ADCY6: variants seen among roughly 807,000 people sequenced by gnomAD.
ADCY6 encodes adenylate cyclase 6, also known as adenylate cyclase type 6.
ADCY6 carries 59 observed loss-of-function variants against 111.6 expected under a neutral mutation model. The ratio of observed to expected loss-of-function variants is 0.53; its 90% CI spans 0.43 to 0.66. The LOEUF (loss-of-function observed/expected upper bound fraction) is 0.66. ADCY6 is among the 30% of genes least tolerant of loss of function. The probability of loss-of-function intolerance (pLI) is 0.00; values close to 1 mark genes in which losing one functional copy is unlikely to be tolerated. For missense variants in ADCY6, 1,242 were observed against 1,595.6 expected, an observed-to-expected ratio of 0.78 and a Z score of 3.78; for synonymous variants, 576 against 642.9, an observed-to-expected ratio of 0.90 and a Z score of 1.57.
At chr12:48,788,573 C>T (rs2137406118) in intron 1 of ADCY6, among the ~76,000 whole-genome samples, 1 of 152,232 alleles carries the variant, frequency 6.6e-6, no homozygotes, top group Admixed American at 6.5e-5. Flanking sequence ...GGAGACACCC[C>T]ACAGCCCCGC....
Position 48,775,988 on chromosome 12 carries a change from T to C in ADCY6, c.1781A>G (p.Lys594Arg), listed in dbSNP as rs1941688695. Residue 594 changes from lysine to arginine, a missense_variant, in exon 9 of 22, where the codon AAG becomes AGG. This residue lies in a region of ADCY6 where 375 missense variants were observed against 432.5 expected (regional missense o/e 0.87). Coordinates refer to ENST00000357869, the MANE Select transcript of ADCY6 (RefSeq NM_015270.5). ...CATCTGGCGGAAGGCCTTGGAGTCC[T>C]TGGTCCGGGAGAAGGCACGATCAGG... ...WVPDRAFSRT[K>R]DSKAFRQMGI... 2 of 1,609,164 alleles carry C rather than the reference T, an allele frequency of 1.2e-6. No individual in the cohort carries two copies. The highest frequency in any genetic ancestry group is 1.7e-5 in the Admixed American group (1 of 59,382).
intron 20 of ADCY6, 109 bp from the exon 21 acceptor site, chr12:48,769,170 G>A (rs1037286791): frequency 3.3e-6 from 4 of 1,207,958 alleles, no homozygotes; most frequent in Non-Finnish European, 4.5e-6. Context: ...AATGGAAAAA[G>A]GACAAGTCTC....
chr12:48,773,722 C>A (rs1365468419), intron 15 of ADCY6, 75 bp from the exon 16 acceptor site: 2 of 1,567,080 alleles, frequency 1.3e-6, no homozygotes, highest in East Asian at 2.2e-5. Flanking sequence ...GCCCTGCACT[C>A]TCCTGCCTGA....
In ADCY6 at chr12:48,783,290, C is replaced by G. The variant is rs561785503; in HGVS notation, c.145G>C (p.Asp49His). ...CTPRYMSCLRDAEPPSPTPAG... is the reference protein window; with the variant it reads ...CTPRYMSCLRHAEPPSPTPAG... Reference sequence around the variant, plus strand: ...GGGGTGGGGCTGGGTGGCTCTGCATCCCGGAGGCAGCTCATATAGCGGGGC... The same window carrying G: ...GGGGTGGGGCTGGGTGGCTCTGCATGCCGGAGGCAGCTCATATAGCGGGGC... The change falls in exon 2 of 22, where the codon GAT becomes CAT. Residue 49 changes from aspartate to histidine, a missense_variant. Physicochemically the swap from Asp to His is moderately conservative, Grantham distance 81. This residue lies in a region of ADCY6 where 362 missense variants were observed against 377.2 expected (regional missense o/e 0.96). Coordinates refer to ENST00000357869, the MANE Select transcript of ADCY6 (RefSeq NM_015270.5). The G allele has an allele frequency of 7.4e-6, 12 of 1,612,730 alleles. No homozygotes were observed. The highest frequency in any genetic ancestry group is 9.3e-6 in the Non-Finnish European group (11 of 1,179,610).
At position 48,783,172 on chromosome 12, in the gene ADCY6, G is replaced by A. The variant is rs988684162; in HGVS notation, c.263C>T (p.Ala88Val). The change falls in exon 2 of 22, where the codon GCC becomes GTC. Residue 88 changes from alanine to valine, a missense_variant. By Grantham distance (64) the Ala-to-Val change is moderately conservative. Coordinates refer to ENST00000357869, the MANE Select transcript of ADCY6 (RefSeq NM_015270.5). Reference protein sequence around the residue: ...KGKELGLRAVALGFEDTEVTT... With the variant: ...KGKELGLRAVVLGFEDTEVTT... ...CACCTCGGTATCCTCGAAGCCCAGG[G>A]CCACTGCCCGCAGCCCCAGCTCCTT... is the stretch of plus-strand genomic sequence containing the variant. 26 of 1,606,652 alleles carry A rather than the reference G, an allele frequency of 1.6e-5. No homozygotes were observed. Among genetic ancestry groups the A allele is most frequent in the Non-Finnish European group, 2.1e-5 (25 of 1,179,618 alleles).
Position 48,771,452 on chromosome 12 carries a change from C to T in ADCY6, c.3051+258G>A. The T allele has an allele frequency of 1.7e-6, 1 of 603,364 alleles. No homozygotes were observed. Among genetic ancestry groups the T allele is most frequent in the Non-Finnish European group, 3.0e-6 (1 of 334,574 alleles). The allele number at this position is 603,364 out of a possible 1,614,324, so 37.4% of individuals were successfully genotyped here. A position where few individuals can be genotyped will look rare whatever the true frequency, so the allele number is the denominator to read the frequency against. ...CTTCTTCAGTGACATCCACCTGGTA[C>T]CTATCCTATCCCCCTACAGATCAAG... On this transcript the variant is annotated intron_variant, in intron 19 of 21. Coordinates refer to ENST00000357869, the MANE Select transcript of ADCY6 (RefSeq NM_015270.5). This position sits in a 1 kb window ranked among gnomAD's most constrained non-coding sequence, Gnocchi z 4.3.
At chr12:48,775,571 C>A in intron 10 of ADCY6, 102 bp downstream of exon 10, 1 of 1,576,874 alleles carries the variant, frequency 6.3e-7, no homozygotes, top group Non-Finnish European at 8.7e-7. Flanking sequence ...GGCTCCTGCT[C>A]CCACACAACA....
chr12:48,769,926 TA>T (rs1258417025), intron 20 of ADCY6, among the ~76,000 whole-genome samples: 5 of 151,960 alleles, frequency 3.3e-5, no homozygotes, highest in African/African-American at 4.8e-5. Flanking sequence ...CACACCCGGC[TA>T]ATTTTTTGTA....
intron 20 of ADCY6, among the ~76,000 whole-genome samples, chr12:48,769,505 C>A (rs1156472103): frequency 6.6e-6 from 1 of 151,604 alleles, no homozygotes; most frequent in Non-Finnish European, 1.5e-5. Context: ...GTCAAGACAG[C>A]CATGCTATAA....
At chr12:48,781,919 T>C (rs1415720471) in intron 2 of ADCY6, among the ~76,000 whole-genome samples, 2 of 152,154 alleles carry the variant, frequency 1.3e-5, no homozygotes, top group African/African-American at 4.8e-5. Flanking sequence ...GAAGGTGGGA[T>C]ACGATCAGAC....
rs1286989595 is a variant in ADCY6 at position 48,777,489 on chromosome 12, C to A, written c.1169G>T (p.Ser390Ile). 2.5e-6 allele frequency: 4 copies of A among 1,613,020 alleles called. No individual in the cohort carries two copies. Among genetic ancestry groups the A allele is most frequent in the Non-Finnish European group, 3.4e-6 (4 of 1,180,034 alleles). The change falls in exon 5 of 22, where the codon AGC becomes ATC. Residue 390 changes from serine (S) to isoleucine (I), a missense_variant. Ser to Ile is a moderately radical substitution (Grantham distance 142). Around this residue, in one of 4 missense-constraint regions of ADCY6, gnomAD observed 260 missense variants for 414.6 expected, o/e 0.63. Coordinates refer to ENST00000357869, the MANE Select transcript of ADCY6 (RefSeq NM_015270.5). This position sits in a 1 kb window ranked among gnomAD's most constrained non-coding sequence, Gnocchi z 4.9. ...CTGCGCAGTGCACTGGGATGCCAGG[C>A]TGGTGAAGCCCTCAATGTCTGCAAA... ...ILFADIEGFT[S>I]LASQCTAQEL...
chr12:48,769,759 G>GT (rs1238353646), intron 20 of ADCY6, among the ~76,000 whole-genome samples: 11,525 of 103,738 alleles, frequency 0.11, 767 homozygotes, highest in Middle Eastern at 0.14. Flanking sequence ...ACTAATTTTT[G>GT]TTTTTTTTTT....
chr12:48,774,742 G>A lies in ADCY6; in HGVS notation c.2115C>T (p.Phe705=). The change falls in exon 13 of 22, where the codon TTC becomes TTT. Residue 705 remains phenylalanine (F), a synonymous_variant. Coordinates refer to ENST00000357869, the MANE Select transcript of ADCY6 (RefSeq NM_015270.5). ...TCAGCACGGTGATTAGCAGCAGCAG[G>A]AAGATGCTGGCATAGATCCCAAGCA... ...TLMLGIYASI[F]LLLLITVLIC... 1.2e-6 allele frequency: 2 copies of A among 1,614,134 alleles called. No individual in the cohort carries two copies. The highest frequency in any genetic ancestry group is 1.1e-5 in the South Asian group (1 of 91,086).
chr12:48,776,620 A>C lies in ADCY6; in HGVS notation c.1377-34T>G. 1 of 1,580,092 alleles carries C rather than the reference A, an allele frequency of 6.3e-7. No individual in the cohort carries two copies. Among genetic ancestry groups the C allele is most frequent in the African/African-American group, 1.3e-5 (1 of 74,790 alleles). On this transcript the variant is annotated intron_variant, in intron 6 of 21. Transcript: ENST00000357869. This position sits in a 1 kb window ranked among gnomAD's most constrained non-coding sequence, Gnocchi z 6.1. Reference sequence around the variant, plus strand: ...ATGCAGCCCCAGATCAGCTCCTGGCAGTCTTCCCCTCCCCCAGCCCACAAC... The same window carrying C: ...ATGCAGCCCCAGATCAGCTCCTGGCCGTCTTCCCCTCCCCCAGCCCACAAC...
In ADCY6 at chr12:48,771,274, A is replaced by C. The variant is rs1941533136; in HGVS notation, c.3052-304T>G. Reference sequence around the variant, plus strand: ...TACCTTTTGGGATACTGAGTCCCAGAGTGAGCAAGTGACTTCCCTCCAGAA... The same window carrying C: ...TACCTTTTGGGATACTGAGTCCCAGCGTGAGCAAGTGACTTCCCTCCAGAA... On this transcript the variant is annotated intron_variant, in intron 19 of 21. Coordinates refer to ENST00000357869, the MANE Select transcript of ADCY6 (RefSeq NM_015270.5). The surrounding 1 kb of genome is among the most constrained non-coding windows in gnomAD (Gnocchi z 4.3). 2.0e-6 allele frequency: 1 copy of C among 491,708 alleles called. No homozygotes were observed. Among genetic ancestry groups the C allele is most frequent in the Admixed American group, 3.4e-5 (1 of 29,764 alleles). The allele number at this position is 491,708 out of a possible 1,614,324, so 30.5% of individuals were successfully genotyped here.
At position 48,766,951 on chromosome 12, in the gene ADCY6, A is replaced by G. The variant is rs1265096505; in HGVS notation, c.*1640T>C. 1.3e-5 allele frequency: 2 copies of G among 152,372 alleles called. No individual in the cohort carries two copies. Among genetic ancestry groups the G allele is most frequent in the South Asian group, 4.1e-4 (2 of 4,836 alleles). 9.4% of individuals were successfully genotyped at this position (152,372 alleles called of 1,614,324 possible). A position where few individuals can be genotyped will look rare whatever the true frequency, so the allele number is the denominator to read the frequency against. On this transcript the variant is annotated 3_prime_UTR_variant, in exon 22 of 22. Transcript: ENST00000357869. ...GGGTAAAAGGAAGGCAAAGACAGGA[A>G]GGGAATCTAGAGTTCAACCTCCTAA... is the stretch of plus-strand genomic sequence containing the variant.
At chr12:48,785,697 C>T (rs887580227) in intron 1 of ADCY6, among the ~76,000 whole-genome samples, 2 of 152,232 alleles carry the variant, frequency 1.3e-5, no homozygotes, top group African/African-American at 4.8e-5. Flanking sequence ...ACTCCATGCA[C>T]TTTCTCTATG....
Position 48,773,958 on chromosome 12 carries a change from G to A in ADCY6, c.2424C>T (p.Pro808=). The A allele has an allele frequency of 6.2e-7, 1 of 1,613,846 alleles. No homozygotes were observed. Among genetic ancestry groups the A allele is most frequent in the South Asian group, 1.1e-5 (1 of 90,994 alleles). The part of the protein sequence containing the change: ...LDAPLCEGTM[P]TCSFPEYFIG... ...CGAACACCTCAGGAAAGCTGCAGGT[G>A]GGCATGGTGCCCTCACACAGGGGAG... Residue 808 remains proline (P), a synonymous_variant, in exon 15 of 22, where the codon CCC becomes CCT. Transcript: ENST00000357869.
rs762546326 is a variant in ADCY6, at chr12:48,782,988, C to G, written c.447G>C (p.Gln149His). The change falls in exon 2 of 22, where the codon CAG (glutamine) becomes CAC (histidine). Residue 149 changes from glutamine (Q) to histidine (H), a missense_variant. Gln to His is a conservative substitution (Grantham distance 24). This residue lies in a region of ADCY6 where 362 missense variants were observed against 377.2 expected (regional missense o/e 0.96). Coordinates refer to ENST00000357869, the MANE Select transcript of ADCY6 (RefSeq NM_015270.5). This position sits in a 1 kb window ranked among gnomAD's most constrained non-coding sequence, Gnocchi z 4.3. ...LYQRYFFQMN[Q>H]SSLTLLMAVL... ...CCGCCATCAGCAGCGTCAGGCTGCT[C>G]TGGTTCATCTGGAAGAAGTACCGCT... is the stretch of plus-strand genomic sequence containing the variant. 2 of 1,613,660 alleles carry G rather than the reference C, an allele frequency of 1.2e-6. No individual in the cohort carries two copies. Among genetic ancestry groups the G allele is most frequent in the Non-Finnish European group, 8.5e-7 (1 of 1,179,942 alleles).
Sources: gnomAD v4.1 joint callset for allele counts (sites outside exome capture counted in the v4.1 genomes callset) on GRCh38, gnomAD v4.1.1 for gene constraint, gnomAD v4.1.1 regional missense constraint, Gnocchi (gnomAD v3.1) non-coding constraint, MANE v1.5 for transcripts, NCBI Gene and HGNC (gene_info 2026-07-23, HGNC 2026-07-21) for gene names.